The following APBA1 variants were observed in gnomAD, a reference collection of about 807,000 sequenced individuals.
APBA1 encodes amyloid beta precursor protein binding family A member 1.
A neutral mutation model predicts 86.6 loss-of-function variants in APBA1; 55 were observed. The observed-to-expected ratio is 0.64, with a 90% confidence interval of 0.51 to 0.80. The LOEUF is 0.80. Ranked by LOEUF, APBA1 falls within the 30% of genes least tolerant of loss-of-function variation. APBA1 has a pLI of 0.00. For synonymous variants in APBA1, 511 were observed against 493.9 expected (o/e 1.03, Z -0.46); for missense variants, 1,090 against 1,183.0 (o/e 0.92, Z 1.15).
intron 9 of APBA1, among the ~76,000 whole-genome samples, chr9:69,450,912 C>CTTGT (rs1381459906): frequency 2.0e-5 from 3 of 152,100 alleles, no homozygotes; most frequent in Non-Finnish European, 4.4e-5. Context: ...ATCTACAAGC[C>CTTGT]AGAGAAAGGC....
chr9:69,494,734 G>C (rs1458687609), intron 2 of APBA1, among the ~76,000 whole-genome samples: 1 of 152,088 alleles, frequency 6.6e-6, no homozygotes, highest in African/African-American at 2.4e-5. Flanking sequence ...CTGTGGGAGA[G>C]AAAAACCAAA....
intron 1 of APBA1, among the ~76,000 whole-genome samples, chr9:69,619,032 A>G (rs1166335443): frequency 6.6e-6 from 1 of 152,174 alleles, no homozygotes; most frequent in Non-Finnish European, 1.5e-5. Context: ...GCAGGTACCT[A>G]ACATATTTTG....
chr9:69,468,892 T>G (rs1835323124), intron 4 of APBA1, among the ~76,000 whole-genome samples: 1 of 150,264 alleles, frequency 6.7e-6, no homozygotes, highest in Admixed American at 6.6e-5. Context: ...TGAGACAGGG[T>G]CTCACTCTCT....
At chr9:69,504,815 T>C (rs1260868395) in intron 2 of APBA1, among the ~76,000 whole-genome samples, 1 of 152,054 alleles carries the variant, frequency 6.6e-6, no homozygotes, top group Non-Finnish European at 1.5e-5. Flanking sequence ...GCTCCTCTGG[T>C]TCACCCTTTC....
At chr9:69,648,984 A>G (rs192239226) in intron 1 of APBA1, among the ~76,000 whole-genome samples, 5 of 152,304 alleles carry the variant, frequency 3.3e-5, no homozygotes, top group Non-Finnish European at 4.4e-5. Context: ...TCCCTCCAGA[A>G]GCACAAAACA....
chr9:69,539,025 A>G (rs1231237747), intron 1 of APBA1, among the ~76,000 whole-genome samples: 1 of 152,196 alleles, frequency 6.6e-6, no homozygotes, highest in Non-Finnish European at 1.5e-5. Flanking sequence ...CCAGGCTTCC[A>G]GGCCACCACT....
In APBA1 at chr9:69,516,596, G is replaced by C. The variant is rs377162175; in HGVS notation, c.615C>G (p.Pro205=). ...EHVYEEIGDA[P]ELDARDGLRL... ...GCAGGCCGTCGCGTGCGTCCAGCTC[G>C]GGCGCGTCCCCTATCTCCTCGTACA... is the stretch of plus-strand genomic sequence containing the variant. Residue 205 remains proline (P), a synonymous_variant, in exon 2 of 13, where the codon CCC becomes CCG. Coordinates refer to ENST00000265381, the MANE Select transcript of APBA1 (RefSeq NM_001163.4). The surrounding 1 kb of genome is among the most constrained non-coding windows in gnomAD (Gnocchi z 7.3). 2 of 1,604,028 alleles carry C rather than the reference G, an allele frequency of 1.2e-6. No individual in the cohort carries two copies. Among genetic ancestry groups the C allele is most frequent in the Non-Finnish European group, 8.5e-7 (1 of 1,179,098 alleles).
intron 1 of APBA1, among the ~76,000 whole-genome samples, chr9:69,537,970 T>G (rs150614384): frequency 6.6e-6 from 1 of 152,224 alleles, no homozygotes; most frequent in East Asian, 1.9e-4. Flanking sequence ...AGATGAGGAC[T>G]GTTTTGTTGT....
Position 69,528,362 on chromosome 9 carries a change from T to C in APBA1, c.-69-11083A>G, listed in dbSNP as rs369840149. Among the ~76,000 whole-genome samples the C allele has an allele frequency of 5.3e-5, 8 of 152,120 alleles. No individual in the cohort carries two copies. The East Asian group carries it at 1.3e-3, about 26-fold the overall frequency. ...AATTTTGAATTTATGCAGACTTTCT[T>C]ATTGTCTAGCACTTTAACAATCCAA... On this transcript the variant is annotated intron_variant, in intron 1 of 12. Coordinates refer to ENST00000265381, the MANE Select transcript of APBA1 (RefSeq NM_001163.4).
chr9:69,664,444 C>T (rs2134029195), intron 1 of APBA1, among the ~76,000 whole-genome samples: 1 of 152,252 alleles, frequency 6.6e-6, no homozygotes, highest in South Asian at 2.1e-4. Context: ...CATACAGAAA[C>T]TCAAGAAGTA....
chr9:69,613,980 AGAC>A (rs1196837372), intron 1 of APBA1, among the ~76,000 whole-genome samples: 1 of 152,192 alleles, frequency 6.6e-6, no homozygotes, highest in African/African-American at 2.4e-5. Flanking sequence ...AACTGACCTA[AGAC>A]GTAAAGATTT....
intron 10 of APBA1, 56 bp from the exon 11 acceptor site, chr9:69,441,171 A>G (rs773888742): frequency 7.6e-6 from 12 of 1,569,928 alleles, no homozygotes; most frequent in Non-Finnish European, 9.5e-6. Context: ...GACAGAATAA[A>G]CAAAAGCAGG....
intron 2 of APBA1, among the ~76,000 whole-genome samples, chr9:69,489,066 T>G (rs1367493842): frequency 2.0e-5 from 3 of 152,124 alleles, no homozygotes; most frequent in Non-Finnish European, 2.9e-5. Context: ...CAAGGTAATT[T>G]ATAGATTCAA....
chr9:69,444,542 A>T (rs1834876948), intron 10 of APBA1, among the ~76,000 whole-genome samples: 1 of 152,190 alleles, frequency 6.6e-6, no homozygotes. Context: ...ACAAATGGTG[A>T]AGCTCACTAA....
intron 10 of APBA1, among the ~76,000 whole-genome samples, chr9:69,445,537 A>G (rs943283172): frequency 4.6e-5 from 7 of 152,178 alleles, no homozygotes; most frequent in African/African-American, 1.4e-4. Flanking sequence ...TGGTCTCTAT[A>G]GCAACGGGAG....
At chr9:69,451,977 G>A in intron 9 of APBA1, 145 bp downstream of exon 9, 1 of 760,430 alleles carries the variant, frequency 1.3e-6, no homozygotes, top group South Asian at 1.7e-5. Context: ...GGGAGCGAGA[G>A]ATGGGGGTGA....
chr9:69,612,085 A>G (rs1428102212), intron 1 of APBA1, among the ~76,000 whole-genome samples: 1 of 152,112 alleles, frequency 6.6e-6, no homozygotes, highest in East Asian at 1.9e-4. Context: ...AAAACAGAAC[A>G]ATTTTTGTGT....
intron 1 of APBA1, among the ~76,000 whole-genome samples, chr9:69,625,193 A>G (rs1206289499): frequency 6.6e-6 from 1 of 152,124 alleles, no homozygotes; most frequent in Admixed American, 6.6e-5. Context: ...AGCTTGCACC[A>G]CTGTTCCTTC....
At position 69,516,625 on chromosome 9, in the gene APBA1, G is replaced by A; in HGVS notation, c.586C>T (p.His196Tyr). The A allele has an allele frequency of 6.2e-7, 1 of 1,607,502 alleles. No homozygotes were observed. Residue 196 changes from histidine to tyrosine, a missense_variant, in exon 2 of 13, where the codon CAC becomes TAC. Physicochemically the swap from His to Tyr is moderately conservative, Grantham distance 83. This residue lies in a region of APBA1 where 678 missense variants were observed against 647.1 expected (regional missense o/e 1.05). Transcript: ENST00000265381. This position sits in a 1 kb window ranked among gnomAD's most constrained non-coding sequence, Gnocchi z 7.3. Reference sequence around the variant, plus strand: ...GCGTCCCCTATCTCCTCGTACACGTGCTCCTGGAGGCCGCCGTAGTCGGCA... The same window carrying A: ...GCGTCCCCTATCTCCTCGTACACGTACTCCTGGAGGCCGCCGTAGTCGGCA... ...PYADYGGLQE[H>Y]VYEEIGDAPE...
Sources: gnomAD v4.1 joint callset for allele counts (sites outside exome capture counted in the v4.1 genomes callset) on GRCh38, gnomAD v4.1.1 for gene constraint, gnomAD v4.1.1 regional missense constraint, Gnocchi (gnomAD v3.1) non-coding constraint, MANE v1.5 for transcripts, NCBI Gene and HGNC (gene_info 2026-07-23, HGNC 2026-07-21) for gene names.